Variants in CNTNAP5 observed in about 807,000 individuals in gnomAD.
CNTNAP5 encodes the protein contactin associated protein family member 5.
CNTNAP5 carries 72 observed loss-of-function variants against 150.2 expected under a neutral mutation model. The observed-to-expected ratio is 0.48, with a 90% CI of 0.40 to 0.58. The LOEUF is 0.58. Among genes scored for constraint, CNTNAP5 ranks in the 20% least tolerant of loss-of-function variants. The pLI is 0.00. For synonymous variants in CNTNAP5, 672 were observed against 619.8 expected (o/e 1.08, Z -1.25); for missense variants, 1,636 against 1,626.2 (o/e 1.01, Z -0.10).
At chr2:124,504,845 T>G (rs1360797618) in intron 8 of CNTNAP5, among the ~76,000 whole-genome samples, 1 of 151,704 alleles carries the variant, frequency 6.6e-6, no homozygotes, top group African/African-American at 2.4e-5. Context: ...TAGCTGGGAC[T>G]ACAGATGCAC....
chr2:124,408,202 A>G (rs1286574189), intron 3 of CNTNAP5, among the ~76,000 whole-genome samples: 1 of 152,144 alleles, frequency 6.6e-6, no homozygotes, highest in Non-Finnish European at 1.5e-5. Context: ...ACACCACGAG[A>G]TTATATCTCG....
intron 8 of CNTNAP5, among the ~76,000 whole-genome samples, chr2:124,516,415 G>C (rs1694718832): frequency 6.6e-6 from 1 of 152,164 alleles, no homozygotes; most frequent in Non-Finnish European, 1.5e-5. Flanking sequence ...GGAAGATAAA[G>C]CCTAGAAACT....
intron 1 of CNTNAP5, among the ~76,000 whole-genome samples, chr2:124,034,309 T>A (rs1681149777): frequency 6.6e-6 from 1 of 152,196 alleles, no homozygotes; most frequent in African/African-American, 2.4e-5. Flanking sequence ...CAGCATGGAT[T>A]TTCTCATAAT....
chr2:124,770,316 G>A (rs550181258), intron 16 of CNTNAP5, among the ~76,000 whole-genome samples: 2 of 152,148 alleles, frequency 1.3e-5, no homozygotes, highest in African/African-American at 4.8e-5. Flanking sequence ...ACAGCAGGGG[G>A]CTGCAGTTTG....
chr2:124,910,210 A>C (rs2104767639), intron 22 of CNTNAP5, among the ~76,000 whole-genome samples: 1 of 152,152 alleles, frequency 6.6e-6, no homozygotes, highest in South Asian at 2.1e-4. Flanking sequence ...CTGTGTGGCA[A>C]GTGCTGTGGT....
intron 2 of CNTNAP5, among the ~76,000 whole-genome samples, chr2:124,239,470 C>T (rs146420825): frequency 2.8e-4 from 43 of 152,248 alleles, no homozygotes; most frequent in Middle Eastern, 3.4e-3. Context: ...TATATTATAG[C>T]ATCAGCTCCC....
chr2:124,474,435 C>T (rs1693592302), intron 6 of CNTNAP5, among the ~76,000 whole-genome samples: 1 of 151,938 alleles, frequency 6.6e-6, no homozygotes. Context: ...ATTATAAAGA[C>T]ATTGATTTTC....
At chr2:124,072,685 A>C (rs954702970) in intron 1 of CNTNAP5, among the ~76,000 whole-genome samples, 1 of 151,910 alleles carries the variant, frequency 6.6e-6, no homozygotes, top group Non-Finnish European at 1.5e-5. Context: ...TCTACAATGA[A>C]TATTACAAAA....
chr2:124,179,285 G>T (rs979033652), intron 1 of CNTNAP5, among the ~76,000 whole-genome samples: 1 of 152,056 alleles, frequency 6.6e-6, no homozygotes, highest in African/African-American at 2.4e-5. Flanking sequence ...TTAGCCTCCT[G>T]AGTAGCTGGG....
intron 1 of CNTNAP5, among the ~76,000 whole-genome samples, chr2:124,201,445 T>C (rs1381837664): frequency 6.6e-6 from 1 of 152,160 alleles, no homozygotes; most frequent in Non-Finnish European, 1.5e-5. Context: ...TTAATCCTCC[T>C]CAACACAATC....
intron 12 of CNTNAP5, among the ~76,000 whole-genome samples, chr2:124,634,132 C>T (rs1677923726): frequency 6.6e-6 from 1 of 152,188 alleles, no homozygotes; most frequent in Admixed American, 6.5e-5. Context: ...CTGCAGCCAG[C>T]TTGAATGCTT....
chr2:124,869,744 A>T lies in CNTNAP5; in HGVS notation c.3418A>T (p.Thr1140Ser), dbSNP rs755468609. ...AGAGTTCAGGGTTATAAGGTCACTC[A>T]CCTTGGGCAAAGTCACAGGTATGTT... The part of the protein sequence containing the change: ...EVEFRVIRSL[T>S]LGKVTENLGL... The change falls in exon 21 of 24, where the codon ACC becomes TCC. Residue 1140 changes from threonine to serine, a missense_variant. Physicochemically the swap from Thr to Ser is moderately conservative, Grantham distance 58 (BLOSUM62 1). Coordinates refer to ENST00000682447, the MANE Select transcript of CNTNAP5 (RefSeq NM_001367498.1). 1.5e-5 allele frequency: 24 copies of T among 1,609,474 alleles called. No individual in the cohort carries two copies. Among genetic ancestry groups the T allele is most frequent in the Non-Finnish European group, 2.0e-5 (24 of 1,176,400 alleles).
chr2:124,502,228 G>T (rs1694293613), intron 7 of CNTNAP5, among the ~76,000 whole-genome samples: 1 of 152,132 alleles, frequency 6.6e-6, no homozygotes, highest in Admixed American at 6.5e-5. Flanking sequence ...CCTGTATTGT[G>T]CTCAAGAAGT....
intron 3 of CNTNAP5, among the ~76,000 whole-genome samples, chr2:124,411,395 T>C (rs1395166942): frequency 6.6e-6 from 1 of 152,112 alleles, no homozygotes; most frequent in Non-Finnish European, 1.5e-5. Context: ...AGCATCATTC[T>C]GATACCAAAG....
chr2:124,811,113 C>T (rs1305670561), intron 19 of CNTNAP5, among the ~76,000 whole-genome samples: 2 of 143,710 alleles, frequency 1.4e-5, no homozygotes, highest in African/African-American at 2.8e-5. Flanking sequence ...AAACCAACCT[C>T]ACCAAAATGG....
intron 8 of CNTNAP5, among the ~76,000 whole-genome samples, chr2:124,517,575 T>C (rs541010952): frequency 6.7e-6 from 1 of 150,006 alleles, no homozygotes; most frequent in Non-Finnish European, 1.5e-5. Context: ...GGTTGTGGTG[T>C]TGGTGATGGA....
At chr2:124,408,720 C>G (rs1435727269) in intron 3 of CNTNAP5, among the ~76,000 whole-genome samples, 186 of 150,458 alleles carry the variant, frequency 1.2e-3, no homozygotes, top group Non-Finnish European at 2.2e-3. Context: ...GACATCCACA[C>G]CAAAAACCCA....
At chr2:124,805,136 G>A (rs181948272) in intron 19 of CNTNAP5, among the ~76,000 whole-genome samples, 234 of 152,298 alleles carry the variant, frequency 1.5e-3, no homozygotes, top group African/African-American at 5.3e-3. Context: ...TTACCCTGAA[G>A]AAGGAGAAAG....
At chr2:124,847,328 A>G (rs565292072) in intron 19 of CNTNAP5, among the ~76,000 whole-genome samples, 6 of 152,026 alleles carry the variant, frequency 3.9e-5, no homozygotes, top group Non-Finnish European at 7.4e-5. Context: ...AGTCCAATGG[A>G]GTTATATTCC....
Sources: gnomAD v4.1 joint callset for allele counts (sites outside exome capture counted in the v4.1 genomes callset) on GRCh38, gnomAD v4.1.1 for gene constraint, MANE v1.5 for transcripts, NCBI Gene and HGNC (gene_info 2026-07-23, HGNC 2026-07-21) for gene names.